Variants in HEATR5A observed in about 807,000 individuals in gnomAD.
HEATR5A encodes HEAT repeat containing 5A, also known as HEAT repeat-containing protein 5A.
In HEATR5A, 178 loss-of-function variants were observed where a neutral mutation model predicts 218.8. That is an observed-to-expected ratio of 0.81 (90% CI 0.72 to 0.92). The LOEUF (loss-of-function observed/expected upper bound fraction) is 0.92, where lower values mean the gene tolerates loss of function less well. Among genes scored for constraint, HEATR5A ranks in the 40% least tolerant of loss-of-function variants. The pLI is 0.00. For missense variants in HEATR5A, 2,420 were observed against 2,418.9 expected (o/e 1.00, Z -0.01); for synonymous variants, 864 against 871.6 (o/e 0.99, Z 0.15).
At chr14:31,399,391 T>A (rs1477437744) in intron 3 of HEATR5A, among the ~76,000 whole-genome samples, 1 of 152,226 alleles carries the variant, frequency 6.6e-6, no homozygotes, top group African/African-American at 2.4e-5. Flanking sequence ...AGAACTCAGC[T>A]ACATATTAGA....
At chr14:31,305,785 T>G (rs1218321654) in intron 31 of HEATR5A, among the ~76,000 whole-genome samples, 1 of 152,176 alleles carries the variant, frequency 6.6e-6, no homozygotes, top group East Asian at 1.9e-4. Flanking sequence ...TGACCTTACG[T>G]ATCGATGGTG....
At position 31,302,358 on chromosome 14, in the gene HEATR5A, G is replaced by A. The variant is rs752709611; in HGVS notation, c.5401C>T (p.Arg1801Cys). The A allele has an allele frequency of 8.7e-6, 14 of 1,604,784 alleles. No homozygotes were observed. Among genetic ancestry groups the A allele is most frequent in the Middle Eastern group, 1.6e-4 (1 of 6,076 alleles). Residue 1801 changes from arginine (R) to cysteine (C), a missense_variant, in exon 33 of 36, where the codon CGT becomes TGT. Coordinates refer to ENST00000543095, the MANE Select transcript of HEATR5A (RefSeq NM_015473.4). Reference sequence around the variant, plus strand: ...CGGAGAAGGTCAGTCCAAGCAGTACGGCTCTTTTCTGCCCGGGCCATGGGA... The same window carrying A: ...CGGAGAAGGTCAGTCCAAGCAGTACAGCTCTTTTCTGCCCGGGCCATGGGA... Reference protein sequence around the residue: ...SSPMARAEKSRTAWTDLLRSA... With the variant: ...SSPMARAEKSCTAWTDLLRSA...
intron 22 of HEATR5A, 41 bp downstream of exon 22, chr14:31,337,435 T>TA: frequency 6.7e-7 from 1 of 1,494,730 alleles, no homozygotes; most frequent in South Asian, 1.3e-5. Context: ...AAAATAAAAA[T>TA]AATCATTTGA....
chr14:31,336,217 CATATATATATATAT>C lies in HEATR5A; in HGVS notation c.3367+1245_3367+1258del, dbSNP rs3033610. On this transcript the variant is annotated intron_variant, in intron 22 of 35. Coordinates refer to ENST00000543095, the MANE Select transcript of HEATR5A (RefSeq NM_015473.4). ...GGTTATTTTTATATATACATACATA[CATATATATATATAT>C]ATATATATATATATATATATATATA... Among the ~76,000 whole-genome samples the C allele has an allele frequency of 2.8e-3, 107 of 38,208 alleles. 3 individuals carry two copies. The highest frequency in any genetic ancestry group is 7.8e-3 in the Admixed American group (38 of 4,872). 25.1% of individuals were successfully genotyped at this position (38,208 alleles called of 152,430 possible).
chr14:31,305,081 GT>G lies in HEATR5A; in HGVS notation c.5062del (p.Thr1688HisfsTer9). On this transcript the variant is annotated frameshift_variant, in exon 32 of 36. Transcript: ENST00000543095. LOFTEE classifies it high-confidence loss of function. The stretch of plus-strand genomic sequence containing the variant: ...TAGAATGCATACACACAATTCCAGT[GT>G]TGCAAAGACCAAAGACTTTCCAGGC... ...LVPGKSLVFA[T>X]LELCVCILVR... is the part of the protein sequence containing the mutation. 1 of 1,613,926 alleles carries G rather than the reference GT, an allele frequency of 6.2e-7. No individual in the cohort carries two copies. The highest frequency in any genetic ancestry group is 8.5e-7 in the Non-Finnish European group (1 of 1,179,854).
chr14:31,376,917 G>C (rs749884379), intron 11 of HEATR5A, among the ~76,000 whole-genome samples: 6 of 152,070 alleles, frequency 3.9e-5, no homozygotes, highest in Non-Finnish European at 8.8e-5. Flanking sequence ...TTGAGCTCTG[G>C]AGTTCAAGAT....
chr14:31,394,356 A>G (rs2030567191), intron 5 of HEATR5A, 130 bp from the exon 6 acceptor site: 2 of 494,352 alleles, frequency 4.0e-6, no homozygotes, highest in Non-Finnish European at 6.9e-6. Context: ...TTATGATTAC[A>G]GGAATAATAA....
intron 1 of HEATR5A, among the ~76,000 whole-genome samples, chr14:31,408,672 T>G (rs1299185280): frequency 6.6e-6 from 1 of 151,968 alleles, no homozygotes; most frequent in Non-Finnish European, 1.5e-5. Flanking sequence ...ATGTCTGTAC[T>G]TTGCATAGTA....
At chr14:31,306,922 A>G (rs1473349114) in intron 30 of HEATR5A, 43 bp from the exon 31 acceptor site, 2 of 1,454,044 alleles carry the variant, frequency 1.4e-6, no homozygotes, top group Non-Finnish European at 1.9e-6. Flanking sequence ...TAGAAATTAT[A>G]CATTTCTTTT....
intron 31 of HEATR5A, 23 bp from the exon 32 acceptor site, chr14:31,305,200 ATAC>A: frequency 6.2e-7 from 1 of 1,604,212 alleles, no homozygotes; most frequent in African/African-American, 1.3e-5. Flanking sequence ...ATAGTGTTTA[ATAC>A]TTTGTGCTTG....
intron 19 of HEATR5A, among the ~76,000 whole-genome samples, 167 bp from the exon 20 acceptor site, chr14:31,345,443 C>A (rs1343638489): frequency 6.6e-6 from 1 of 152,096 alleles, no homozygotes; most frequent in Non-Finnish European, 1.5e-5. Flanking sequence ...AGGCAATCAT[C>A]CAATTTAGAA....
intron 14 of HEATR5A, among the ~76,000 whole-genome samples, chr14:31,359,465 A>G (rs1815318): frequency 0.99 from 150,839 of 152,180 alleles, 74,763 homozygotes; most frequent in Middle Eastern, 1. Context: ...GGTGGCTCAC[A>G]CCTGTAATCC....
chr14:31,346,187 A>G (rs576853972), intron 19 of HEATR5A, among the ~76,000 whole-genome samples: 2 of 152,354 alleles, frequency 1.3e-5, no homozygotes, highest in African/African-American at 4.8e-5. Flanking sequence ...AGAGAGAGCA[A>G]TCAAGAAAAT....
intron 12 of HEATR5A, among the ~76,000 whole-genome samples, chr14:31,374,587 G>A (rs1012273331): frequency 2.0e-5 from 3 of 151,942 alleles, no homozygotes; most frequent in Admixed American, 2.0e-4. Flanking sequence ...AACTGGATTG[G>A]ACCTAATAAA....
intron 19 of HEATR5A, among the ~76,000 whole-genome samples, chr14:31,346,405 G>A (rs1156968891): frequency 6.6e-6 from 1 of 152,160 alleles, no homozygotes; most frequent in Non-Finnish European, 1.5e-5. Flanking sequence ...TGGAGGAGGC[G>A]AGTAGTAATA....
chr14:31,402,537 G>A (rs540883742), intron 2 of HEATR5A, among the ~76,000 whole-genome samples: 1 of 152,144 alleles, frequency 6.6e-6, no homozygotes, highest in Non-Finnish European at 1.5e-5. Context: ...TTATGTACAC[G>A]GAGGAACATA....
chr14:31,298,215 C>T (rs1899253709), intron 33 of HEATR5A, among the ~76,000 whole-genome samples: 1 of 152,114 alleles, frequency 6.6e-6, no homozygotes, highest in Non-Finnish European at 1.5e-5. Flanking sequence ...TAATCCTGGA[C>T]CCATAGAAAC....
At chr14:31,376,524 T>C (rs1902233763) in intron 11 of HEATR5A, among the ~76,000 whole-genome samples, 1 of 151,940 alleles carries the variant, frequency 6.6e-6, no homozygotes, top group Non-Finnish European at 1.5e-5. Flanking sequence ...TAACAATAAT[T>C]ATAATGTATC....
chr14:31,332,647 T>A (rs1900510860), intron 22 of HEATR5A, among the ~76,000 whole-genome samples: 1 of 152,164 alleles, frequency 6.6e-6, no homozygotes, highest in African/African-American at 2.4e-5. Flanking sequence ...ACACAAATGA[T>A]AAGGAAGATA....
Sources: gnomAD v4.1 joint callset for allele counts (sites outside exome capture counted in the v4.1 genomes callset) on GRCh38, gnomAD v4.1.1 for gene constraint, MANE v1.5 for transcripts, NCBI Gene and HGNC (gene_info 2026-07-23, HGNC 2026-07-21) for gene names.